ERCC6L2: variants seen among roughly 807,000 people sequenced by gnomAD.
ERCC6L2 encodes the protein ERCC excision repair 6 like 2.
Under a neutral mutation model 132.0 loss-of-function variants are expected in ERCC6L2, and 77 were observed. The observed-to-expected ratio is 0.58, with a 90% confidence interval of 0.49 to 0.71. ERCC6L2 has a LOEUF of 0.71. Ranked by LOEUF, ERCC6L2 falls within the 30% of genes least tolerant of loss-of-function variation. The pLI, the probability that ERCC6L2 is intolerant of heterozygous loss-of-function variation, is 0.00. For synonymous variants in ERCC6L2, 583 were observed against 632.4 expected, an observed-to-expected ratio of 0.92 and a Z score of 1.17; for missense variants, 1,542 against 1,837.6, an observed-to-expected ratio of 0.84 and a Z score of 2.94.
At chr9:96,008,804 C>G (rs1307998075) in intron 18 of ERCC6L2, among the ~76,000 whole-genome samples, 2 of 152,336 alleles carry the variant, frequency 1.3e-5, no homozygotes, top group East Asian at 3.9e-4. Context: ...TCGTTGAAGT[C>G]ACATGCTGGG....
chr9:95,896,914 C>G (rs1416059328), intron 2 of ERCC6L2, among the ~76,000 whole-genome samples: 1 of 152,056 alleles, frequency 6.6e-6, no homozygotes, highest in Admixed American at 6.6e-5. Context: ...GTTAAGTTTT[C>G]AGCTTTTATT....
chr9:95,919,220 T>A (rs1189112312), intron 6 of ERCC6L2, among the ~76,000 whole-genome samples: 2 of 152,098 alleles, frequency 1.3e-5, no homozygotes, highest in East Asian at 3.9e-4. Flanking sequence ...AAAAAAAAAA[T>A]TAGCATTGTT....
chr9:95,880,925 T>C lies in ERCC6L2; in HGVS notation c.103T>C (p.Cys35Arg). The stretch of plus-strand genomic sequence containing the variant: ...CCCTTCTCCAGATAATGGAAAACTT[T>C]GTGAAGCAAGCATAAAATCTATCAC... ...LAPSPDNGKLCEASIKSITVD... is the reference protein window; with the variant it reads ...LAPSPDNGKLREASIKSITVD... Residue 35 changes from cysteine to arginine, a missense_variant, in exon 2 of 19, where the codon TGT (cysteine) becomes CGT (arginine). Around this residue, in one of 4 missense-constraint regions of ERCC6L2, gnomAD observed 153 missense variants for 132.3 expected, o/e 1.16. Coordinates refer to ENST00000653738, the MANE Select transcript of ERCC6L2 (RefSeq NM_020207.7). The C allele has an allele frequency of 1.9e-6, 3 of 1,613,862 alleles. No homozygotes were observed. Among genetic ancestry groups the C allele is most frequent in the Non-Finnish European group, 1.7e-6 (2 of 1,179,866 alleles).
chr9:95,984,987 A>G (rs1212355616), intron 17 of ERCC6L2, among the ~76,000 whole-genome samples: 1 of 152,194 alleles, frequency 6.6e-6, no homozygotes, highest in Non-Finnish European at 1.5e-5. Flanking sequence ...CCTGGCAATC[A>G]TGGTGTTGGA....
chr9:95,915,682 C>G lies in ERCC6L2; in HGVS notation c.803C>G (p.Ala268Gly). The G allele has an allele frequency of 6.2e-7, 1 of 1,612,538 alleles. No individual in the cohort carries two copies. The highest frequency in any genetic ancestry group is 8.5e-7 in the Non-Finnish European group (1 of 1,179,340). ...TTACTTTATAGTTTGGAATGGTCAGCTGTCATTGTGGATGAAGCTCATAGA... is the reference window on the plus strand; with the variant it reads ...TTACTTTATAGTTTGGAATGGTCAGGTGTCATTGTGGATGAAGCTCATAGA... ...LDELNSLEWS[A>G]VIVDEAHRIK... The change falls in exon 5 of 19, where the codon GCT becomes GGT. Residue 268 changes from alanine (A) to glycine (G), a missense_variant. By Grantham distance (60) the Ala-to-Gly change is moderately conservative (BLOSUM62 0). This residue lies in a region of ERCC6L2 where 945 missense variants were observed against 1,105.2 expected (regional missense o/e 0.86). Transcript: ENST00000653738.
intron 19 of ERCC6L2, among the ~76,000 whole-genome samples, chr9:96,035,461 G>C (rs1206598679): frequency 1.3e-5 from 2 of 152,196 alleles, no homozygotes; most frequent in Non-Finnish European, 2.9e-5. Context: ...GGAGAGGTTA[G>C]AATGGTCAGC....
At chr9:96,021,902 G>T (rs1300735430), downstream of ERCC6L2, 2 of 152,404 alleles carry the variant, frequency 1.3e-5, no homozygotes, top group Non-Finnish European at 2.9e-5. The surrounding 1 kb of genome is among the most constrained non-coding windows in gnomAD (Gnocchi z 4.7). Flanking sequence ...CAGCGGCTGC[G>T]GGGCCGACCC....
chr9:96,033,744 C>T (rs969722805), intron 19 of ERCC6L2, among the ~76,000 whole-genome samples: 4 of 152,218 alleles, frequency 2.6e-5, no homozygotes, highest in African/African-American at 9.6e-5. Context: ...CCCTTTCTGT[C>T]TGCAGTTGTC....
chr9:95,941,412 T>C lies in ERCC6L2; in HGVS notation c.1752-42T>C, dbSNP rs1218388389. 13 of 1,442,316 alleles carry C rather than the reference T, an allele frequency of 9.0e-6. No individual in the cohort carries two copies. The East Asian group carries it at 3.0e-4, about 33-fold the overall frequency. The allele number at this position is 1,442,316 out of a possible 1,614,324, so 89.3% of individuals were successfully genotyped here. A position where few individuals can be genotyped will look rare whatever the true frequency, so the allele number is the denominator to read the frequency against. ...TTGAGTTATAGCACAACAGTTAGTTTTTGCTGTTCTAATGTGCTTTTTTTT... is the reference window on the plus strand; with the variant it reads ...TTGAGTTATAGCACAACAGTTAGTTCTTGCTGTTCTAATGTGCTTTTTTTT... On this transcript the variant is annotated intron_variant, in intron 11 of 18. Coordinates refer to ENST00000653738, the MANE Select transcript of ERCC6L2 (RefSeq NM_020207.7).
At chr9:95,932,208 G>A (rs1475958567) in intron 11 of ERCC6L2, among the ~76,000 whole-genome samples, 45 of 151,914 alleles carry the variant, frequency 3.0e-4, no homozygotes, top group Non-Finnish European at 4.4e-5. Flanking sequence ...TGGGACTACA[G>A]GCCTGTGCCA....
In ERCC6L2 at chr9:95,898,046, A is replaced by G. The variant is rs929930948; in HGVS notation, c.594+75A>G. ...AAGCATATAGAAATATTTAAATATC[A>G]CACATTAAAATGTATTGGTATACAT... On this transcript the variant is annotated intron_variant, in intron 3 of 18. Coordinates refer to ENST00000653738, the MANE Select transcript of ERCC6L2 (RefSeq NM_020207.7). The G allele has an allele frequency of 2.3e-6, 3 of 1,316,452 alleles. No individual in the cohort carries two copies. In the African/African-American group the frequency reaches 4.6e-5, roughly 20 times the overall value. The allele number at this position is 1,316,452 out of a possible 1,614,324, so 81.5% of individuals were successfully genotyped here.
chr9:95,979,774 A>G lies in ERCC6L2; in HGVS notation c.3492+1559A>G, dbSNP rs185328993. ...CATTTCTACAGTTTGACTGCCTTGT[A>G]TGTGCCATCTGAAAAAGACAGGCGG... On this transcript the variant is annotated intron_variant, in intron 17 of 18. Transcript: ENST00000653738. 5.0e-3 allele frequency among the ~76,000 whole-genome samples: 762 copies of G among 152,298 alleles called. 31 individuals are homozygous for G. Among genetic ancestry groups the G allele is most frequent in the Admixed American group, 0.046 (702 of 15,292 alleles).
downstream of ERCC6L2, among the ~76,000 whole-genome samples, chr9:96,018,579 G>A (rs1045980205): frequency 6.6e-6 from 1 of 150,988 alleles, no homozygotes; most frequent in African/African-American, 2.4e-5. Context: ...TCCCACCTCA[G>A]CCTCCCAAGT....
chr9:95,942,532 G>GA (rs1031593210), intron 12 of ERCC6L2, among the ~76,000 whole-genome samples: 2 of 151,678 alleles, frequency 1.3e-5, no homozygotes, highest in Non-Finnish European at 2.9e-5. Context: ...GAAGGATATG[G>GA]AAAAAAATGA....
intron 17 of ERCC6L2, among the ~76,000 whole-genome samples, chr9:96,002,934 T>C (rs145518121): frequency 1.3e-5 from 2 of 152,330 alleles, no homozygotes; most frequent in East Asian, 3.9e-4. Flanking sequence ...TCTGTCCTTT[T>C]AGCATTTTAG....
exon 20 of ERCC6L2, chr9:96,038,985 G>A (rs1225702284): frequency 4.4e-6 from 2 of 454,698 alleles, no homozygotes; most frequent in Non-Finnish European, 8.8e-6. Flanking sequence ...GAGGCCTCCT[G>A]CCCACAGCCG....
At chr9:96,034,952 A>T (rs1834502608) in intron 19 of ERCC6L2, among the ~76,000 whole-genome samples, 1 of 152,096 alleles carries the variant, frequency 6.6e-6, no homozygotes. Flanking sequence ...TGAGATGGCT[A>T]GGGGAGAGCT....
At chr9:96,010,847 A>G (rs984506085) in intron 18 of ERCC6L2, among the ~76,000 whole-genome samples, 4 of 152,242 alleles carry the variant, frequency 2.6e-5, no homozygotes, top group African/African-American at 9.6e-5. Flanking sequence ...TTGCTGTTAT[A>G]TAGTTCCTGC....
At chr9:96,024,572 G>C (rs891118042) in intron 19 of ERCC6L2, among the ~76,000 whole-genome samples, 2 of 152,102 alleles carry the variant, frequency 1.3e-5, no homozygotes, top group South Asian at 2.1e-4. Context: ...CTTGTCCCTT[G>C]GATTTCCCAG....
Sources: gnomAD v4.1 joint callset for allele counts (sites outside exome capture counted in the v4.1 genomes callset) on GRCh38, gnomAD v4.1.1 for gene constraint, gnomAD v4.1.1 regional missense constraint, Gnocchi (gnomAD v3.1) non-coding constraint, MANE v1.5 for transcripts, NCBI Gene and HGNC (gene_info 2026-07-23, HGNC 2026-07-21) for gene names.